FRMD4A: variants seen among roughly 807,000 people sequenced by gnomAD.
The protein encoded by FRMD4A is FERM domain containing 4A.
Under a neutral mutation model 129.1 loss-of-function variants are expected in FRMD4A, and 29 were observed. That is an observed-to-expected ratio of 0.22 (90% CI 0.17 to 0.31). FRMD4A has a LOEUF of 0.31. Among genes scored for constraint, FRMD4A ranks in the 10% least tolerant of loss-of-function variants. The pLI, the probability that FRMD4A is intolerant of heterozygous loss-of-function variation, is 1.00. For missense variants in FRMD4A, 1,272 were observed against 1,375.8 expected, an observed-to-expected ratio of 0.92 and a Z score of 1.19; for synonymous variants, 634 against 571.6, an observed-to-expected ratio of 1.11 and a Z score of -1.56.
chr10:13,687,219 C>T (rs1476483033), intron 15 of FRMD4A, among the ~76,000 whole-genome samples: 1 of 152,150 alleles, frequency 6.6e-6, no homozygotes, highest in Non-Finnish European at 1.5e-5. Context: ...CGCAGATAAC[C>T]CGGGAGGAAG....
intron 2 of FRMD4A, among the ~76,000 whole-genome samples, chr10:13,974,558 G>T (rs988423059): frequency 6.6e-6 from 1 of 151,990 alleles, no homozygotes; most frequent in South Asian, 2.1e-4. Flanking sequence ...GCGGAGTCTC[G>T]CTCTGTCGCC....
At chr10:14,246,991 C>G (rs546397133) in intron 2 of FRMD4A, among the ~76,000 whole-genome samples, 1 of 152,222 alleles carries the variant, frequency 6.6e-6, no homozygotes, top group African/African-American at 2.4e-5. Flanking sequence ...AGGGGTATAT[C>G]AAGCTCTAGA....
intron 4 of FRMD4A, among the ~76,000 whole-genome samples, chr10:13,809,936 T>C (rs1203075998): frequency 6.6e-6 from 1 of 152,232 alleles, no homozygotes; most frequent in East Asian, 1.9e-4. Flanking sequence ...CCCATGTGGA[T>C]GCCCACCTGT....
chr10:13,852,368 C>G (rs887176178), intron 3 of FRMD4A, among the ~76,000 whole-genome samples: 1 of 151,932 alleles, frequency 6.6e-6, no homozygotes, highest in Non-Finnish European at 1.5e-5. Context: ...CTCAGCCTCC[C>G]GAGTAGCTGG....
chr10:14,093,298 C>T (rs1345529165), intron 2 of FRMD4A, among the ~76,000 whole-genome samples: 1 of 152,148 alleles, frequency 6.6e-6, no homozygotes, highest in East Asian at 1.9e-4. Context: ...GAAGTGTGTG[C>T]ACTAAGATTT....
At chr10:14,235,243 G>A (rs1043247614) in intron 2 of FRMD4A, among the ~76,000 whole-genome samples, 5 of 144,426 alleles carry the variant, frequency 3.5e-5, no homozygotes, top group African/African-American at 7.6e-5. Context: ...TCCGCCTCCC[G>A]GGTTCACGCC....
At chr10:14,008,046 G>C in intron 2 of FRMD4A, 2 of 1,299,162 alleles carry the variant, frequency 1.5e-6, no homozygotes, top group Non-Finnish European at 2.0e-6. Flanking sequence ...CAAACAACCC[G>C]CCACGTAGCT....
At chr10:14,089,955 C>T (rs1836563292) in intron 2 of FRMD4A, among the ~76,000 whole-genome samples, 1 of 152,252 alleles carries the variant, frequency 6.6e-6, no homozygotes, top group African/African-American at 2.4e-5. Flanking sequence ...AGATCTTGCT[C>T]TACCCTGACA....
At chr10:13,666,370 C>T in intron 17 of FRMD4A, 45 bp from the exon 18 acceptor site, 1 of 1,337,984 alleles carries the variant, frequency 7.5e-7, no homozygotes, top group East Asian at 2.3e-5. Context: ...GGATGCTGAG[C>T]AGGGAGACCC....
chr10:14,019,638 A>G (rs958915741), intron 2 of FRMD4A, among the ~76,000 whole-genome samples: 2 of 152,222 alleles, frequency 1.3e-5, no homozygotes, highest in African/African-American at 4.8e-5. Context: ...TGCCATGTAC[A>G]CATATTATTT....
At chr10:14,089,640 C>CAAAAAA (rs759243260) in intron 2 of FRMD4A, among the ~76,000 whole-genome samples, 1 of 70,274 alleles carries the variant, frequency 1.4e-5, no homozygotes, top group African/African-American at 5.0e-5. Flanking sequence ...CAAAAAAAAA[C>CAAAAAA]AAACAAAAAA....
intron 2 of FRMD4A, among the ~76,000 whole-genome samples, chr10:13,962,677 T>A (rs1437477926): frequency 6.6e-6 from 1 of 152,178 alleles, no homozygotes; most frequent in African/African-American, 2.4e-5. Context: ...CTGAGCTCCA[T>A]CTAAGTAGAC....
At chr10:14,304,456 C>T (rs1355086298) in intron 2 of FRMD4A, among the ~76,000 whole-genome samples, 2 of 152,214 alleles carry the variant, frequency 1.3e-5, no homozygotes, top group Non-Finnish European at 2.9e-5. Flanking sequence ...TAGGCAGCGT[C>T]TCCTGATTTC....
intron 2 of FRMD4A, chr10:13,870,853 TGA>T (rs1309341773): frequency 6.6e-6 from 1 of 152,328 alleles, no homozygotes; most frequent in Non-Finnish European, 1.5e-5. Flanking sequence ...GTTCAGTTAT[TGA>T]GTTCTATAAC....
chr10:13,897,790 T>A (rs1436901539), intron 2 of FRMD4A, among the ~76,000 whole-genome samples: 1 of 150,852 alleles, frequency 6.6e-6, no homozygotes, highest in Admixed American at 6.6e-5. Context: ...TACAAAAAAT[T>A]AGCCGGGTGT....
At chr10:14,175,789 T>C (rs1841701758) in intron 2 of FRMD4A, among the ~76,000 whole-genome samples, 1 of 152,158 alleles carries the variant, frequency 6.6e-6, no homozygotes, top group African/African-American at 2.4e-5. Context: ...CCTCTCAAAG[T>C]GTTGGGATTA....
Position 14,205,333 on chromosome 10 carries a change from T to C in FRMD4A, c.45+124725A>G, listed in dbSNP as rs75009435. ...CAGATGCAGAACATGTCCATCATCA[T>C]AGAAAGTTCTCTCGGCCATGGGAGG... On this transcript the variant is annotated intron_variant, in intron 2 of 24. Coordinates refer to ENST00000357447, the MANE Select transcript of FRMD4A (RefSeq NM_018027.5). 0.012 allele frequency among the ~76,000 whole-genome samples: 1,803 copies of C among 152,278 alleles called. 133 individuals carry two copies. In the East Asian group the frequency reaches 0.19, roughly 16 times the overall value.
At chr10:14,011,484 T>C (rs2095682180) in intron 2 of FRMD4A, among the ~76,000 whole-genome samples, 1 of 152,132 alleles carries the variant, frequency 6.6e-6, no homozygotes, top group African/African-American at 2.4e-5. Context: ...CCTTCATCCA[T>C]GGTCAAGGGG....
intron 2 of FRMD4A, among the ~76,000 whole-genome samples, chr10:13,919,881 T>A (rs979971540): frequency 1.3e-5 from 2 of 152,172 alleles, no homozygotes; most frequent in African/African-American, 4.8e-5. Flanking sequence ...GAGGTTGCAG[T>A]GAGCTGAGAT....
Sources: gnomAD v4.1 joint callset for allele counts (sites outside exome capture counted in the v4.1 genomes callset) on GRCh38, gnomAD v4.1.1 for gene constraint, MANE v1.5 for transcripts, NCBI Gene and HGNC (gene_info 2026-07-23, HGNC 2026-07-21) for gene names.